ARHGAP17: variants seen among roughly 807,000 people sequenced by gnomAD.
ARHGAP17 encodes rho GTPase-activating protein 17.
A neutral mutation model predicts 99.5 loss-of-function variants in ARHGAP17; 57 were observed. That is an observed-to-expected ratio of 0.57 (90% confidence interval 0.46 to 0.71). The LOEUF (loss-of-function observed/expected upper bound fraction) is 0.71, where lower values mean the gene tolerates loss of function less well. Ranked by LOEUF, ARHGAP17 falls within the 30% of genes least tolerant of loss-of-function variation. The pLI is 0.00. For synonymous variants in ARHGAP17, 417 were observed against 429.6 expected, an observed-to-expected ratio of 0.97 and a Z score of 0.36; for missense variants, 1,000 against 1,122.4, an observed-to-expected ratio of 0.89 and a Z score of 1.56.
chr16:24,951,311 TC>T (rs1164430191), intron 12 of ARHGAP17, among the ~76,000 whole-genome samples: 4 of 152,322 alleles, frequency 2.6e-5, no homozygotes, highest in African/African-American at 9.6e-5. Flanking sequence ...AGCCTCAGTT[TC>T]CTCTCTGTAA....
intron 4 of ARHGAP17, among the ~76,000 whole-genome samples, chr16:24,969,372 C>T (rs1220121220): frequency 1.3e-5 from 2 of 152,052 alleles, no homozygotes; most frequent in Non-Finnish European, 2.9e-5. Context: ...GTTTTTTTGA[C>T]ACCAGAAATG....
At chr16:24,921,332 T>C (rs1255038893) in intron 19 of ARHGAP17, among the ~76,000 whole-genome samples, 1 of 152,158 alleles carries the variant, frequency 6.6e-6, no homozygotes, top group Non-Finnish European at 1.5e-5. Context: ...AGATGTTTTG[T>C]AGTTTTGCTT....
chr16:24,958,490 T>C (rs1207180329), intron 9 of ARHGAP17, among the ~76,000 whole-genome samples: 4 of 152,218 alleles, frequency 2.6e-5, no homozygotes, highest in Non-Finnish European at 1.5e-5. Context: ...TCCTTTGCAC[T>C]GTGACTCAAC....
intron 19 of ARHGAP17, among the ~76,000 whole-genome samples, chr16:24,923,727 T>TAAA (rs1160793042): frequency 1.7e-5 from 2 of 119,906 alleles, no homozygotes; most frequent in African/African-American, 3.3e-5. Context: ...CTCTTTTTTT[T>TAAA]AAAAAAAAAA....
At chr16:24,961,968 G>GTTT (rs771302588) in intron 7 of ARHGAP17, among the ~76,000 whole-genome samples, 11,069 of 105,110 alleles carry the variant, frequency 0.11, 540 homozygotes, top group Middle Eastern at 0.19. Context: ...TGTAGAGAGA[G>GTTT]TTTGTTTTTT....
intron 15 of ARHGAP17, among the ~76,000 whole-genome samples, chr16:24,942,722 C>T (rs1226089653): frequency 6.7e-6 from 1 of 149,468 alleles, no homozygotes; most frequent in African/African-American, 2.5e-5. Flanking sequence ...GGGCCGAGAT[C>T]GCGCCACTGC....
chr16:24,932,222 G>A (rs2051014278), intron 18 of ARHGAP17, among the ~76,000 whole-genome samples: 1 of 152,086 alleles, frequency 6.6e-6, no homozygotes, highest in Non-Finnish European at 1.5e-5. Context: ...AACTGAGTAA[G>A]GGGCATATGG....
intron 15 of ARHGAP17, among the ~76,000 whole-genome samples, 173 bp downstream of exon 15, chr16:24,943,598 G>T (rs2051377729): frequency 1.3e-5 from 2 of 152,202 alleles, no homozygotes; most frequent in Admixed American, 1.3e-4. Context: ...AATACAATAT[G>T]ATTACCATCA....
chr16:24,977,153 A>G, intron 3 of ARHGAP17, 62 bp downstream of exon 3: 1 of 1,356,900 alleles, frequency 7.4e-7, no homozygotes, highest in Non-Finnish European at 9.8e-7. Context: ...CAACCAATCC[A>G]GGGGTTGAAA....
rs368133373 is a variant in ARHGAP17 at position 24,932,334 on chromosome 16, G to T, written c.1895-930C>A. 1.8e-4 allele frequency among the ~76,000 whole-genome samples: 27 copies of T among 152,254 alleles called. No individual in the cohort carries two copies. The East Asian group carries it at 5.0e-3, about 28-fold the overall frequency. ...AAGTACATTATGCACATTTGAAAGG[G>T]CTTTAAAGGCCTATCGTTTTGAAAG... On this transcript the variant is annotated intron_variant, in intron 18 of 19. Coordinates refer to ENST00000289968, the MANE Select transcript of ARHGAP17 (RefSeq NM_001006634.3).
Position 24,919,850 on chromosome 16 carries a change from T to C in ARHGAP17, c.*280A>G, listed in dbSNP as rs767622136. The C allele has an allele frequency of 6.9e-6, 2 of 291,574 alleles. No homozygotes were observed. The highest frequency in any genetic ancestry group is 1.3e-5 in the Non-Finnish European group (2 of 157,062). 18.1% of individuals were successfully genotyped at this position (291,574 alleles called of 1,614,324 possible). ...CTTCCTATGCGCGTTTCAGCAGGAA[T>C]ACTCTCTCCACTCCAGGTACTTCTT... On this transcript the variant is annotated 3_prime_UTR_variant, in exon 20 of 20. Coordinates refer to ENST00000289968, the MANE Select transcript of ARHGAP17 (RefSeq NM_001006634.3).
chr16:24,983,232 T>A (rs868516660), intron 1 of ARHGAP17, among the ~76,000 whole-genome samples: 8 of 151,658 alleles, frequency 5.3e-5, no homozygotes, highest in African/African-American at 1.9e-4. Flanking sequence ...CTCAAATTCC[T>A]GAGCTCAAGC....
At chr16:24,994,824 C>A (rs1383255445) in intron 1 of ARHGAP17, among the ~76,000 whole-genome samples, 1 of 152,138 alleles carries the variant, frequency 6.6e-6, no homozygotes, top group African/African-American at 2.4e-5. Flanking sequence ...TTGTATTAAC[C>A]CACCTAATCC....
At chr16:24,928,145 A>C (rs2050889786) in intron 19 of ARHGAP17, among the ~76,000 whole-genome samples, 1 of 152,208 alleles carries the variant, frequency 6.6e-6, no homozygotes, top group Non-Finnish European at 1.5e-5. Context: ...CTCCTTGAAA[A>C]ACCCAATGGC....
chr16:24,920,058 A>G lies in ARHGAP17; in HGVS notation c.*72T>C. ...AAAGCTTTTCACTGTTCGGTCTGCA[A>G]AGAAAGAGGTTCGCCTGCCCCTGCT... On this transcript the variant is annotated 3_prime_UTR_variant, in exon 20 of 20. Coordinates refer to ENST00000289968, the MANE Select transcript of ARHGAP17 (RefSeq NM_001006634.3). 2 of 1,577,410 alleles carry G rather than the reference A, an allele frequency of 1.3e-6. No homozygotes were observed. Among genetic ancestry groups the G allele is most frequent in the South Asian group, 1.1e-5 (1 of 87,860 alleles).
chr16:24,982,691 T>C (rs963755870), intron 1 of ARHGAP17, among the ~76,000 whole-genome samples: 1 of 152,078 alleles, frequency 6.6e-6, no homozygotes, highest in Non-Finnish European at 1.5e-5. Flanking sequence ...TATCGTGAAC[T>C]GTTTTGCAGT....
chr16:24,942,588 G>GCA (rs2051345629), intron 15 of ARHGAP17, among the ~76,000 whole-genome samples: 2 of 152,090 alleles, frequency 1.3e-5, no homozygotes, highest in East Asian at 1.9e-4. Context: ...CCAAGAACGT[G>GCA]AAACCCCGTC....
chr16:24,930,817 TG>T lies in ARHGAP17; in HGVS notation c.2481del (p.Asn828ThrfsTer9), dbSNP rs749613620. ...GVHSAGDSSLTNTAPTASKIV... is the reference protein window; with the variant it reads ...GVHSAGDSSLXNTAPTASKIV... ...ATCTTGGAAGCTGTTGGTGCTGTGTTGGTGAGGCTGCTGTCCCCAGCTGAGT... is the reference window on the plus strand; with the variant it reads ...ATCTTGGAAGCTGTTGGTGCTGTGTTGTGAGGCTGCTGTCCCCAGCTGAGT... On this transcript the variant is annotated frameshift_variant, in exon 19 of 20. Transcript: ENST00000289968. LOFTEE classifies it high-confidence loss of function. The T allele has an allele frequency of 3.1e-6, 5 of 1,614,044 alleles. No homozygotes were observed. In the Admixed American group the frequency reaches 8.3e-5, roughly 27 times the overall value.
chr16:24,959,688 T>C lies in ARHGAP17; in HGVS notation c.707A>G (p.Glu236Gly), dbSNP rs1489607660. The change falls in exon 9 of 20, where the codon GAA becomes GGA. Residue 236 changes from glutamate to glycine, a missense_variant. By Grantham distance (98) the Glu-to-Gly change is moderately conservative. This residue lies in a region of ARHGAP17 where 472 missense variants were observed against 611.1 expected (regional missense o/e 0.77). Transcript: ENST00000289968. ...TACATTACCTTGATGGGCTCGCATT[T>C]CGGGGAGGGTCTTTTCTAAGACTGC... The part of the protein sequence containing the change: ...ALAVLEKTLP[E>G]MRAHQDKWAE... The C allele has an allele frequency of 6.2e-7, 1 of 1,614,122 alleles. No individual in the cohort carries two copies. Among genetic ancestry groups the C allele is most frequent in the East Asian group, 2.2e-5 (1 of 44,878 alleles).
Sources: allele counts gnomAD v4.1 joint callset (sites outside exome capture counted in the v4.1 genomes callset), GRCh38; gene constraint gnomAD v4.1.1; regional missense constraint gnomAD v4.1.1; transcripts MANE v1.5; gene names NCBI Gene and HGNC (gene_info 2026-07-23, HGNC 2026-07-21).